LRRC3B: variants seen among roughly 807,000 people sequenced by gnomAD.
LRRC3B encodes leucine-rich repeat-containing protein 3B.
Under a neutral mutation model 12.8 loss-of-function variants are expected in LRRC3B, and 2 were observed. That is an observed-to-expected ratio of 0.16 (90% CI 0.06 to 0.49). The LOEUF (loss-of-function observed/expected upper bound fraction) is 0.49. LRRC3B is among the 20% of genes least tolerant of loss of function. LRRC3B has a pLI of 0.96. For synonymous variants in LRRC3B, 132 were observed against 122.0 expected (o/e 1.08, Z -0.54); for missense variants, 189 against 319.4 (o/e 0.59, Z 3.11).
chr3:26,630,860 A>T (rs535137373), intron 1 of LRRC3B, among the ~76,000 whole-genome samples: 4 of 152,170 alleles, frequency 2.6e-5, no homozygotes, highest in African/African-American at 7.2e-5. Flanking sequence ...CACTTTGGAG[A>T]ATGAAAGGGC....
chr3:26,655,679 A>G (rs1175044904), intron 1 of LRRC3B, among the ~76,000 whole-genome samples: 2 of 152,142 alleles, frequency 1.3e-5, no homozygotes, highest in Admixed American at 6.5e-5. Flanking sequence ...CAGAGCTCAT[A>G]TCTCCAATTC....
intron 1 of LRRC3B, among the ~76,000 whole-genome samples, chr3:26,655,812 G>C (rs1048332908): frequency 5.3e-5 from 8 of 152,052 alleles, no homozygotes; most frequent in Non-Finnish European, 1.2e-4. Context: ...CATATGCCAG[G>C]TACTGGGCCA....
chr3:26,699,116 G>A (rs1185105286), intron 1 of LRRC3B, among the ~76,000 whole-genome samples: 2 of 152,004 alleles, frequency 1.3e-5, no homozygotes, highest in East Asian at 1.9e-4. Flanking sequence ...AATACCTCAA[G>A]TTGTGAATTG....
At chr3:26,689,583 G>A (rs570825456) in intron 1 of LRRC3B, among the ~76,000 whole-genome samples, 2 of 152,298 alleles carry the variant, frequency 1.3e-5, no homozygotes, top group South Asian at 2.1e-4. Context: ...GATTGTGCAA[G>A]GAGGAGCCGG....
At chr3:26,696,313 C>A (rs1185461186) in intron 1 of LRRC3B, among the ~76,000 whole-genome samples, 2 of 152,114 alleles carry the variant, frequency 1.3e-5, no homozygotes, top group Non-Finnish European at 2.9e-5. Flanking sequence ...ATGAATTATG[C>A]ATTTTTTTAT....
chr3:26,672,854 G>C (rs1420399951), intron 1 of LRRC3B, among the ~76,000 whole-genome samples: 2 of 152,116 alleles, frequency 1.3e-5, no homozygotes, highest in African/African-American at 4.8e-5. Flanking sequence ...AGTACGCTTT[G>C]TTTAAGAGCC....
chr3:26,696,327 T>G (rs1222693963), intron 1 of LRRC3B, among the ~76,000 whole-genome samples: 1 of 152,232 alleles, frequency 6.6e-6, no homozygotes, highest in Non-Finnish European at 1.5e-5. Flanking sequence ...TTTTTATTTT[T>G]TAAAGTTCAA....
intron 1 of LRRC3B, among the ~76,000 whole-genome samples, chr3:26,691,886 C>G (rs899778183): frequency 6.6e-6 from 1 of 152,138 alleles, no homozygotes; most frequent in African/African-American, 2.4e-5. Context: ...TCAGAATTGC[C>G]AAGACATGTC....
intron 1 of LRRC3B, among the ~76,000 whole-genome samples, chr3:26,702,975 G>A (rs1383424451): frequency 6.6e-6 from 1 of 152,080 alleles, no homozygotes; most frequent in Non-Finnish European, 1.5e-5. Context: ...TCTTCCTGTA[G>A]TAGATGGTTG....
At chr3:26,693,245 C>T (rs1317334881) in intron 1 of LRRC3B, among the ~76,000 whole-genome samples, 1 of 144,176 alleles carries the variant, frequency 6.9e-6, no homozygotes, top group African/African-American at 2.7e-5. Flanking sequence ...AGGAGAATGG[C>T]GTGAACCCGG....
chr3:26,666,712 A>C (rs1444435336), intron 1 of LRRC3B, among the ~76,000 whole-genome samples: 2 of 152,186 alleles, frequency 1.3e-5, no homozygotes, highest in Non-Finnish European at 2.9e-5. Context: ...ACTATCAATC[A>C]AACTCCAAAC....
In LRRC3B at chr3:26,706,595, C is replaced by T. The variant is rs1034306796; in HGVS notation, c.-160-2918C>T. ...CACAGGTAGACCATTTGGGATATGA[C>T]GGATTCCATCTCAAGAAAGACTGCA... On this transcript the variant is annotated intron_variant, in intron 1 of 1. Transcript: ENST00000396641. Among the ~76,000 whole-genome samples, 15 of 152,322 alleles carry T rather than the reference C, an allele frequency of 9.8e-5. No homozygotes were observed. In the East Asian group the frequency reaches 1.5e-3, roughly 16 times the overall value.
chr3:26,623,952 A>T (rs1698563980), intron 1 of LRRC3B: 1 of 152,196 alleles, frequency 6.6e-6, no homozygotes, highest in Non-Finnish European at 1.5e-5. Context: ...CCCACGGTTG[A>T]GGGAAATGAA....
chr3:26,670,351 T>C (rs1699694590), intron 1 of LRRC3B, among the ~76,000 whole-genome samples: 1 of 152,190 alleles, frequency 6.6e-6, no homozygotes, highest in Non-Finnish European at 1.5e-5. Flanking sequence ...CCTAATCCCT[T>C]CTTCTTACCC....
chr3:26,701,105 CA>C (rs1284248251), intron 1 of LRRC3B: 12 of 152,230 alleles, frequency 7.9e-5, no homozygotes, highest in African/African-American at 2.2e-4. Flanking sequence ...GTCACAAACT[CA>C]GTTAATTTAA....
chr3:26,635,111 G>A (rs1364564769), intron 1 of LRRC3B, among the ~76,000 whole-genome samples: 1 of 152,106 alleles, frequency 6.6e-6, no homozygotes, highest in Non-Finnish European at 1.5e-5. Flanking sequence ...TTCTGGAACT[G>A]ACCTGAGCCT....
At chr3:26,650,067 C>T (rs9880664) in intron 1 of LRRC3B, among the ~76,000 whole-genome samples, 125,393 of 151,998 alleles carry the variant, frequency 0.82, 51,957 homozygotes, top group East Asian at 1. Context: ...ATTTATTTGT[C>T]CCATGTCTTC....
chr3:26,671,683 G>A (rs190182053), intron 1 of LRRC3B, among the ~76,000 whole-genome samples: 13 of 151,964 alleles, frequency 8.6e-5, no homozygotes, highest in East Asian at 2.0e-4. Context: ...GCGAGCCACC[G>A]CACCTGGCCA....
chr3:26,680,534 C>A (rs1292320225), intron 1 of LRRC3B, among the ~76,000 whole-genome samples: 1 of 152,136 alleles, frequency 6.6e-6, no homozygotes, highest in Non-Finnish European at 1.5e-5. Context: ...TAGGGTAGCC[C>A]AGAAGTGTCA....
Sources: allele counts gnomAD v4.1 joint callset (sites outside exome capture counted in the v4.1 genomes callset), GRCh38; gene constraint gnomAD v4.1.1; transcripts MANE v1.5; gene names NCBI Gene and HGNC (gene_info 2026-07-23, HGNC 2026-07-21).